NBAS: variants seen among roughly 807,000 people sequenced by gnomAD.
NBAS encodes the protein NAG/BC035112 fusion.
Under a neutral mutation model 302.5 loss-of-function variants are expected in NBAS, and 219 were observed. The ratio of observed to expected loss-of-function variants is 0.72; its 90% CI spans 0.65 to 0.81. The LOEUF is 0.81. Ranked by LOEUF, NBAS falls within the 30% of genes least tolerant of loss-of-function variation. The pLI is 0.00. For missense variants in NBAS, 2,932 were observed against 2,841.6 expected (o/e 1.03, Z -0.72); for synonymous variants, 1,118 against 1,021.6 (o/e 1.09, Z -1.80).
At chr2:15,541,365 T>C (rs1237902226) in intron 6 of NBAS, among the ~76,000 whole-genome samples, 2 of 152,114 alleles carry the variant, frequency 1.3e-5, no homozygotes, top group Non-Finnish European at 2.9e-5. Context: ...CAGGGCAAGG[T>C]AATGGTAAGA....
chr2:15,503,320 C>T (rs1157260850), intron 11 of NBAS, among the ~76,000 whole-genome samples: 1 of 152,168 alleles, frequency 6.6e-6, no homozygotes, highest in Non-Finnish European at 1.5e-5. Context: ...ACAGGTTCCA[C>T]ATCCTCTGAT....
chr2:15,554,130 G>C lies in NBAS; in HGVS notation c.218C>G (p.Pro73Arg). The change falls in exon 4 of 52, where the codon CCT becomes CGT. Residue 73 changes from proline (P) to arginine (R), a missense_variant. Transcript: ENST00000281513. ...LRQYIWYSPAPFLLPDGLVRL... is the reference protein window; with the variant it reads ...LRQYIWYSPARFLLPDGLVRL... ...AACCAGTCCATCAGGGAGCAAAAAA[G>C]GTGCCGGGCTGAAATCACAACACAT... 6.2e-7 allele frequency: 1 copy of C among 1,613,342 alleles called. No homozygotes were observed. Among genetic ancestry groups the C allele is most frequent in the Non-Finnish European group, 8.5e-7 (1 of 1,179,568 alleles).
At chr2:15,181,455 T>C (rs998415120) in intron 50 of NBAS, among the ~76,000 whole-genome samples, 51 of 152,340 alleles carry the variant, frequency 3.3e-4, no homozygotes, top group Middle Eastern at 3.4e-3. Flanking sequence ...TCCTCTACTA[T>C]GTTTGTTTGC....
At chr2:15,289,650 C>T (rs2148102032) in intron 41 of NBAS, among the ~76,000 whole-genome samples, 1 of 152,250 alleles carries the variant, frequency 6.6e-6, no homozygotes, top group African/African-American at 2.4e-5. Flanking sequence ...TTCCCTGAGA[C>T]ATACAGATAG....
At chr2:14,946,316 G>T in the NBAS span, among the ~76,000 whole-genome samples, 3 of 152,030 alleles carry the variant, frequency 2.0e-5, no homozygotes, top group Admixed American at 6.6e-5. Flanking sequence ...ACAAAGAGAT[G>T]ATCCTAAAAG....
At chr2:15,248,874 C>T (rs530077337) in intron 44 of NBAS, among the ~76,000 whole-genome samples, 1 of 152,088 alleles carries the variant, frequency 6.6e-6, no homozygotes, top group African/African-American at 2.4e-5. Flanking sequence ...CCGAAATCTA[C>T]CAGAGATACA....
chr2:15,256,474 C>CA (rs1473132238), intron 44 of NBAS, among the ~76,000 whole-genome samples: 4 of 151,764 alleles, frequency 2.6e-5, no homozygotes, highest in African/African-American at 9.7e-5. Context: ...TCAAGGTATA[C>CA]AATCATATCA....
chr2:15,142,505 G>A, the NBAS span, among the ~76,000 whole-genome samples: 44 of 152,350 alleles, frequency 2.9e-4, no homozygotes, highest in African/African-American at 8.7e-4. Flanking sequence ...GGTCGCCTCC[G>A]CAAGGCTGAC....
At chr2:15,203,416 A>G (rs996146162) in intron 48 of NBAS, among the ~76,000 whole-genome samples, 3 of 152,236 alleles carry the variant, frequency 2.0e-5, no homozygotes, top group Non-Finnish European at 2.9e-5. Flanking sequence ...AACATGGAGC[A>G]TGTAGTATCT....
intron 44 of NBAS, among the ~76,000 whole-genome samples, chr2:15,240,265 C>T (rs1443399496): frequency 6.6e-6 from 1 of 151,840 alleles, no homozygotes; most frequent in African/African-American, 2.4e-5. Context: ...AGGTAAGCTG[C>T]CCCCAGACCC....
chr2:15,301,784 G>A (rs775868401), intron 40 of NBAS, among the ~76,000 whole-genome samples: 1 of 152,260 alleles, frequency 6.6e-6, no homozygotes, highest in Non-Finnish European at 1.5e-5. Context: ...AGGTTCCTGA[G>A]TGAGGTAACA....
the NBAS span, among the ~76,000 whole-genome samples, chr2:15,098,041 G>A: frequency 2.1e-4 from 1 of 4,672 alleles, no homozygotes. Flanking sequence ...ATATTATATT[G>A]TATATAATAT....
At chr2:15,450,046 A>C (rs1239998403) in intron 21 of NBAS, among the ~76,000 whole-genome samples, 1 of 152,218 alleles carries the variant, frequency 6.6e-6, no homozygotes, top group Non-Finnish European at 1.5e-5. Context: ...TAAATATTTC[A>C]TCATCCAGCC....
chr2:15,241,923 C>T (rs994073675), intron 44 of NBAS, among the ~76,000 whole-genome samples: 3 of 152,164 alleles, frequency 2.0e-5, no homozygotes, highest in African/African-American at 7.2e-5. Flanking sequence ...GCCACACTGA[C>T]TCTTTGTCAT....
chr2:14,989,047 C>T, the NBAS span, among the ~76,000 whole-genome samples: 1 of 152,090 alleles, frequency 6.6e-6, no homozygotes, highest in African/African-American at 2.4e-5. Flanking sequence ...AAAGTTAAAA[C>T]ATCGCACATC....
chr2:15,239,586 G>A (rs772736310), intron 44 of NBAS, among the ~76,000 whole-genome samples: 6 of 151,628 alleles, frequency 4.0e-5, no homozygotes, highest in African/African-American at 9.7e-5. Context: ...CACTAAAAAA[G>A]TTTCAGATAT....
the NBAS span, among the ~76,000 whole-genome samples, chr2:15,034,659 T>A: frequency 6.6e-6 from 1 of 152,200 alleles, no homozygotes; most frequent in Non-Finnish European, 1.5e-5. Context: ...GAGTATGAAC[T>A]CTTAAGTGCC....
At chr2:15,160,600 G>T in the NBAS span, among the ~76,000 whole-genome samples, 8 of 131,012 alleles carry the variant, frequency 6.1e-5, no homozygotes, top group African/African-American at 2.2e-4. Flanking sequence ...GGAGGGGGGG[G>T]GGCAGGAGGC....
intron 12 of NBAS, among the ~76,000 whole-genome samples, chr2:15,481,598 A>G (rs1680429473): frequency 6.7e-6 from 1 of 150,230 alleles, no homozygotes; most frequent in South Asian, 2.1e-4. Context: ...ACCCCAAAGT[A>G]TAACAGCATT....
Sources: allele counts gnomAD v4.1 joint callset (sites outside exome capture counted in the v4.1 genomes callset), GRCh38; gene constraint gnomAD v4.1.1; transcripts MANE v1.5; gene names NCBI Gene and HGNC (gene_info 2026-07-23, HGNC 2026-07-21).